CDH1: variants seen among roughly 807,000 people sequenced by gnomAD.
CDH1 encodes cadherin-1.
In CDH1, 35 loss-of-function variants were observed where a neutral mutation model predicts 84.5. The observed-to-expected ratio is 0.41, with a 90% CI of 0.32 to 0.55. The LOEUF (loss-of-function observed/expected upper bound fraction) is 0.55, where lower values mean the gene tolerates loss of function less well. CDH1 is among the 20% of genes least tolerant of loss of function. The pLI is 0.19. For synonymous variants in CDH1, 417 were observed against 439.0 expected, an observed-to-expected ratio of 0.95 and a Z score of 0.63; for missense variants, 994 against 1,126.6, an observed-to-expected ratio of 0.88 and a Z score of 1.68.
rs35052566 is a variant in CDH1 at position 68,784,949 on chromosome 16, CT to C, written c.164-16717del. On this transcript the variant is annotated intron_variant, in intron 2 of 15. Coordinates refer to ENST00000261769, the MANE Select transcript of CDH1 (RefSeq NM_004360.5). The stretch of plus-strand genomic sequence containing the variant: ...TAGCAGATGACTTTCACCCTCATGC[CT>C]TTTGCACTGTGATTGCAAGAAGGGA... Among the ~76,000 whole-genome samples, 1,436 of 151,990 alleles carry C rather than the reference CT, an allele frequency of 9.4e-3. 27 individuals carry two copies. The highest frequency in any genetic ancestry group is 0.033 in the African/African-American group (1,353 of 41,400).
At chr16:68,780,559 G>A (rs921339752) in intron 2 of CDH1, among the ~76,000 whole-genome samples, 2 of 152,176 alleles carry the variant, frequency 1.3e-5, no homozygotes, top group African/African-American at 4.8e-5. Context: ...CAAAGTGCTT[G>A]GGATTACGGG....
chr16:68,768,144 C>T (rs1013206362), intron 2 of CDH1, among the ~76,000 whole-genome samples: 3 of 152,164 alleles, frequency 2.0e-5, no homozygotes, highest in Admixed American at 2.0e-4. Flanking sequence ...CAAGGTTTCT[C>T]CACGTTGATC....
chr16:68,826,323 C>A (rs1300817512), intron 13 of CDH1, among the ~76,000 whole-genome samples: 1 of 151,506 alleles, frequency 6.6e-6, no homozygotes, highest in African/African-American at 2.4e-5. Flanking sequence ...TTTTTTCTTT[C>A]TTTATTAGAG....
At position 68,811,671 on chromosome 16, in the gene CDH1, T is replaced by C. The variant is rs751112354; in HGVS notation, c.833-13T>C. Reference sequence around the variant, plus strand: ...CAGCTTGTCTAAACCTTCATCTCCTTGAACTCTTCCAGGAACCTCTGTGAT... The same window carrying C: ...CAGCTTGTCTAAACCTTCATCTCCTCGAACTCTTCCAGGAACCTCTGTGAT... On this transcript the variant is annotated splice_polypyrimidine_tract_variant and intron_variant, in intron 6 of 15. Coordinates refer to ENST00000261769, the MANE Select transcript of CDH1 (RefSeq NM_004360.5). 3 of 1,613,208 alleles carry C rather than the reference T, an allele frequency of 1.9e-6. No individual in the cohort carries two copies. Among genetic ancestry groups the C allele is most frequent in the Non-Finnish European group, 2.5e-6 (3 of 1,179,386 alleles).
chr16:68,827,764 CCATGTCTCTTCCCCT>C (rs1961358659), intron 13 of CDH1, among the ~76,000 whole-genome samples: 1 of 152,050 alleles, frequency 6.6e-6, no homozygotes, highest in South Asian at 2.1e-4. Flanking sequence ...GAGCTCTTCT[CCATGTCTCTTCCCCT>C]CATGCACCCT....
chr16:68,825,803 CTTTTTTT>C (rs869187109), intron 13 of CDH1, among the ~76,000 whole-genome samples: 1 of 94,498 alleles, frequency 1.1e-5, no homozygotes, highest in Non-Finnish European at 2.0e-5. Context: ...TAAAGGGAAT[CTTTTTTT>C]TTTTTTTTTT....
At chr16:68,813,074 A>C (rs1960883093) in intron 8 of CDH1, among the ~76,000 whole-genome samples, 2 of 151,696 alleles carry the variant, frequency 1.3e-5, no homozygotes, top group Admixed American at 1.3e-4. Context: ...TCAGTTAGCC[A>C]GGTGTGGTGG....
chr16:68,781,310 A>G (rs1038992360), intron 2 of CDH1, among the ~76,000 whole-genome samples: 2 of 152,128 alleles, frequency 1.3e-5, no homozygotes, highest in Middle Eastern at 3.4e-3. Flanking sequence ...CACCCGCAGC[A>G]CTCATTTTAA....
At chr16:68,761,867 G>T (rs1390500851) in intron 2 of CDH1, among the ~76,000 whole-genome samples, 1 of 152,124 alleles carries the variant, frequency 6.6e-6, no homozygotes, top group East Asian at 1.9e-4. Flanking sequence ...CTGGCAGAAG[G>T]GCAGAGGGGG....
At position 68,834,398 on chromosome 16, in the gene CDH1, G is replaced by T; in HGVS notation, c.*899G>T. 1 of 406,352 alleles carries T rather than the reference G, an allele frequency of 2.5e-6. No homozygotes were observed. The highest frequency in any genetic ancestry group is 4.8e-6 in the Non-Finnish European group (1 of 208,388). The allele number at this position is 406,352 out of a possible 1,614,324, so 25.2% of individuals were successfully genotyped here. Reference sequence around the variant, plus strand: ...CCACCAGCCTCCTTTTTATTTTTTTGTACAGATGGGGTCTTGCTATGTTGC... The same window carrying T: ...CCACCAGCCTCCTTTTTATTTTTTTTTACAGATGGGGTCTTGCTATGTTGC... On this transcript the variant is annotated 3_prime_UTR_variant, in exon 16 of 16. Coordinates refer to ENST00000261769, the MANE Select transcript of CDH1 (RefSeq NM_004360.5).
At chr16:68,805,858 A>G (rs1368523966) in intron 3 of CDH1, among the ~76,000 whole-genome samples, 2 of 152,054 alleles carry the variant, frequency 1.3e-5, no homozygotes, top group Non-Finnish European at 2.9e-5. Flanking sequence ...TCCCAAAGGA[A>G]AAAGCCTGCT....
chr16:68,760,086 A>ATTTT (rs56019300), intron 2 of CDH1, among the ~76,000 whole-genome samples: 22 of 122,142 alleles, frequency 1.8e-4, no homozygotes, highest in African/African-American at 4.2e-4. Flanking sequence ...ATATATATAT[A>ATTTT]TTTTTTTTTT....
chr16:68,812,691 G>A (rs191512912), intron 8 of CDH1, among the ~76,000 whole-genome samples: 13 of 152,268 alleles, frequency 8.5e-5, no homozygotes, highest in Non-Finnish European at 1.5e-4. Context: ...GTATGCCAAG[G>A]ATATTACATG....
At chr16:68,781,901 C>T (rs1959890774) in intron 2 of CDH1, among the ~76,000 whole-genome samples, 1 of 152,146 alleles carries the variant, frequency 6.6e-6, no homozygotes, top group African/African-American at 2.4e-5. Flanking sequence ...TGATGCCCTT[C>T]ACTAGCCCAA....
intron 2 of CDH1, among the ~76,000 whole-genome samples, chr16:68,799,215 C>T (rs1019333180): frequency 1.3e-5 from 2 of 152,190 alleles, no homozygotes; most frequent in African/African-American, 4.8e-5. Flanking sequence ...CTCTGTCTTC[C>T]CATCATTTAT....
chr16:68,779,076 T>C (rs1162245548), intron 2 of CDH1, among the ~76,000 whole-genome samples: 1 of 152,228 alleles, frequency 6.6e-6, no homozygotes, highest in African/African-American at 2.4e-5. Context: ...TCAACTTATT[T>C]ACAGTGCTCA....
intron 2 of CDH1, among the ~76,000 whole-genome samples, chr16:68,754,555 G>A (rs1363388194): frequency 6.6e-6 from 1 of 152,178 alleles, no homozygotes; most frequent in Non-Finnish European, 1.5e-5. Flanking sequence ...ATGCACACAG[G>A]AAGTGGGAGA....
At chr16:68,766,215 C>T (rs919224965) in intron 2 of CDH1, among the ~76,000 whole-genome samples, 4 of 152,204 alleles carry the variant, frequency 2.6e-5, no homozygotes, top group Non-Finnish European at 4.4e-5. Context: ...GCTGAGATCA[C>T]GCCACTGTGC....
intron 2 of CDH1, among the ~76,000 whole-genome samples, chr16:68,743,832 CACTTT>C (rs1962653378): frequency 6.6e-6 from 1 of 152,218 alleles, no homozygotes; most frequent in African/African-American, 2.4e-5. Flanking sequence ...TTGAATAAGT[CACTTT>C]ACTTCTATGA....
Sources: allele counts gnomAD v4.1 joint callset (sites outside exome capture counted in the v4.1 genomes callset), GRCh38; gene constraint gnomAD v4.1.1; transcripts MANE v1.5; gene names NCBI Gene and HGNC (gene_info 2026-07-23, HGNC 2026-07-21).